LRMDA: variants seen among roughly 807,000 people sequenced by gnomAD.
The protein encoded by LRMDA is leucine-rich melanocyte differentiation-associated protein.
A neutral mutation model predicts 29.8 loss-of-function variants in LRMDA; 18 were observed. The ratio of observed to expected loss-of-function variants is 0.60; its 90% confidence interval spans 0.42 to 0.90. The LOEUF is 0.90. Among genes scored for constraint, LRMDA ranks in the 40% least tolerant of loss-of-function variants. The pLI is 0.00. For missense variants in LRMDA, 273 were observed against 273.9 expected, an observed-to-expected ratio of 1.00 and a Z score of 0.02; for synonymous variants, 125 against 109.4, an observed-to-expected ratio of 1.14 and a Z score of -0.89.
chr10:75,805,699 A>G (rs1453399833), intron 2 of LRMDA, among the ~76,000 whole-genome samples: 2 of 152,158 alleles, frequency 1.3e-5, no homozygotes, highest in East Asian at 1.9e-4. Context: ...CACTATTACT[A>G]TCAATTTCTA....
chr10:75,477,133 GGT>G (rs757008956), intron 2 of LRMDA, among the ~76,000 whole-genome samples: 5 of 151,990 alleles, frequency 3.3e-5, no homozygotes, highest in Non-Finnish European at 7.4e-5. Flanking sequence ...TAGGACTACA[GGT>G]GTATACCATC....
At chr10:76,451,351 G>A (rs1266755135) in intron 6 of LRMDA, among the ~76,000 whole-genome samples, 2 of 150,910 alleles carry the variant, frequency 1.3e-5, no homozygotes, top group Non-Finnish European at 3.0e-5. Context: ...ACAGGTGCCT[G>A]CCACCATGCC....
chr10:75,828,954 TC>T (rs1230878859), intron 2 of LRMDA, among the ~76,000 whole-genome samples: 1 of 152,066 alleles, frequency 6.6e-6, no homozygotes, highest in Non-Finnish European at 1.5e-5. Flanking sequence ...GGGTCAGCTG[TC>T]CCTGCCGTTG....
chr10:75,914,889 G>A (rs1845904112), intron 2 of LRMDA, among the ~76,000 whole-genome samples: 1 of 152,064 alleles, frequency 6.6e-6, no homozygotes, highest in Admixed American at 6.6e-5. Flanking sequence ...CTATACAAAG[G>A]TAAAAGTCTA....
At chr10:76,143,257 A>G (rs1297113270) in intron 5 of LRMDA, among the ~76,000 whole-genome samples, 4 of 151,720 alleles carry the variant, frequency 2.6e-5, no homozygotes, top group East Asian at 1.9e-4. Context: ...GATCCCTGAG[A>G]AATCGCCACA....
intron 5 of LRMDA, among the ~76,000 whole-genome samples, chr10:76,168,631 GGGATGATGA>G (rs1169750941): frequency 2.6e-5 from 4 of 152,060 alleles, no homozygotes; most frequent in African/African-American, 9.6e-5. Context: ...GAAAGGAAAG[GGGATGATGA>G]GTAGATGAAA....
intron 2 of LRMDA, among the ~76,000 whole-genome samples, chr10:76,016,439 A>T (rs1184758371): frequency 6.6e-6 from 1 of 151,390 alleles, no homozygotes; most frequent in Non-Finnish European, 1.5e-5. Context: ...CATAATAACC[A>T]TTGCTTTTCT....
At chr10:76,242,746 C>G (rs1364081663) in intron 5 of LRMDA, among the ~76,000 whole-genome samples, 1 of 152,196 alleles carries the variant, frequency 6.6e-6, no homozygotes, top group African/African-American at 2.4e-5. Flanking sequence ...GGGTTTAGGA[C>G]TCAACATATC....
chr10:75,861,899 G>A (rs1368715505), intron 2 of LRMDA, among the ~76,000 whole-genome samples: 1 of 152,164 alleles, frequency 6.6e-6, no homozygotes. Context: ...CTTGCTCTTA[G>A]AATCCACCTG....
At chr10:75,523,826 C>T (rs1845387102) in intron 2 of LRMDA, among the ~76,000 whole-genome samples, 1 of 152,004 alleles carries the variant, frequency 6.6e-6, no homozygotes, top group Non-Finnish European at 1.5e-5. Context: ...TCTCTCTGCC[C>T]CTTCCTGAGG....
At chr10:75,523,793 C>T (rs771196734) in intron 2 of LRMDA, among the ~76,000 whole-genome samples, 1 of 152,176 alleles carries the variant, frequency 6.6e-6, no homozygotes, top group Admixed American at 6.5e-5. Context: ...CCATCCTTCT[C>T]CCTTCTTCCC....
Position 76,522,731 on chromosome 10 carries a change from C to T in LRMDA, c.602-34478C>T, listed in dbSNP as rs113913647. 5.6e-3 allele frequency among the ~76,000 whole-genome samples: 859 copies of T among 152,232 alleles called. 8 individuals carry two copies. The highest frequency in any genetic ancestry group is 0.044 in the Middle Eastern group (13 of 294). ...AAGCTGCATTTCTAGGATGATCCCC[C>T]GCCACCTCTCCCTGAGGGCCTGAAA... is the stretch of plus-strand genomic sequence containing the variant. On this transcript the variant is annotated intron_variant, in intron 6 of 6. Transcript: ENST00000611255.
At chr10:75,843,752 G>A (rs935487428) in intron 2 of LRMDA, among the ~76,000 whole-genome samples, 1 of 152,168 alleles carries the variant, frequency 6.6e-6, no homozygotes, top group Non-Finnish European at 1.5e-5. Context: ...TAAGGTCCTC[G>A]TGGTTAAACT....
At chr10:75,539,735 A>C (rs1048469175) in intron 2 of LRMDA, among the ~76,000 whole-genome samples, 1 of 152,262 alleles carries the variant, frequency 6.6e-6, no homozygotes, top group Non-Finnish European at 1.5e-5. Flanking sequence ...GCTTAGTATA[A>C]ATGGCTGTTT....
In LRMDA at chr10:76,525,358, C is replaced by T. The variant is rs146195211; in HGVS notation, c.602-31851C>T. On this transcript the variant is annotated intron_variant, in intron 6 of 6. Coordinates refer to ENST00000611255, the MANE Select transcript of LRMDA (RefSeq NM_001305581.2). ...TTCTGTTATGAAAACCGAAGCATGG[C>T]TCACTGTTAACCATGATGACATCTC... Among the ~76,000 whole-genome samples, 1,143 of 152,258 alleles carry T rather than the reference C, an allele frequency of 7.5e-3. 11 individuals carry two copies. The highest frequency in any genetic ancestry group is 0.026 in the African/African-American group (1,068 of 41,554).
chr10:76,293,680 G>C (rs550467693), intron 5 of LRMDA, among the ~76,000 whole-genome samples: 1 of 152,286 alleles, frequency 6.6e-6, no homozygotes, highest in East Asian at 1.9e-4. Context: ...ATGAGCCAAA[G>C]GCCACATGTG....
chr10:76,302,074 C>G (rs993871631), intron 5 of LRMDA, among the ~76,000 whole-genome samples: 8 of 152,146 alleles, frequency 5.3e-5, no homozygotes, highest in Admixed American at 2.6e-4. Flanking sequence ...TTGTCTGATG[C>G]ATATTGAGAA....
Position 75,858,183 on chromosome 10 carries a change from T to A in LRMDA, c.132-177825T>A, listed in dbSNP as rs551720571. On this transcript the variant is annotated intron_variant, in intron 2 of 6. Transcript: ENST00000611255. ...AGCCCACCAGCAGTGCCCTGGCCCC[T>A]CTGTCTACTCAGTAGAAGCAGGTAC... Among the ~76,000 whole-genome samples the A allele has an allele frequency of 1.0e-3, 154 of 152,246 alleles. 3 individuals carry two copies. The South Asian group carries it at 0.029, about 28-fold the overall frequency.
At chr10:75,894,702 G>A (rs1453787774) in intron 2 of LRMDA, among the ~76,000 whole-genome samples, 1 of 152,054 alleles carries the variant, frequency 6.6e-6, no homozygotes, top group African/African-American at 2.4e-5. Flanking sequence ...CCATAAGATG[G>A]GGAGCACTGC....
Sources: allele counts gnomAD v4.1 joint callset (sites outside exome capture counted in the v4.1 genomes callset), GRCh38; gene constraint gnomAD v4.1.1; transcripts MANE v1.5; gene names NCBI Gene and HGNC (gene_info 2026-07-23, HGNC 2026-07-21).